TLK1: variants seen among roughly 807,000 people sequenced by gnomAD.
TLK1 encodes serine/threonine-protein kinase tousled-like 1.
TLK1 carries 24 observed loss-of-function variants against 105.3 expected under a neutral mutation model. The observed-to-expected ratio is 0.23, with a 90% CI of 0.17 to 0.32. The LOEUF (loss-of-function observed/expected upper bound fraction) is 0.32. Among genes scored for constraint, TLK1 ranks in the 10% least tolerant of loss-of-function variants. The pLI is 1.00. For missense variants in TLK1, 558 were observed against 910.5 expected (o/e 0.61, Z 4.98); for synonymous variants, 321 against 310.4 (o/e 1.03, Z -0.36).
At chr2:171,184,359 A>C (rs1015967302) in intron 1 of TLK1, among the ~76,000 whole-genome samples, 1 of 152,242 alleles carries the variant, frequency 6.6e-6, no homozygotes, top group African/African-American at 2.4e-5. Flanking sequence ...TTAGAAAACT[A>C]GTGCCAGGCG....
chr2:171,193,015 G>C (rs1388999783), intron 1 of TLK1, among the ~76,000 whole-genome samples: 1 of 152,216 alleles, frequency 6.6e-6, no homozygotes, highest in Non-Finnish European at 1.5e-5. Context: ...TCTATTAAAT[G>C]ATTATGGTGT....
chr2:171,100,505 G>A (rs1689642127), intron 2 of TLK1, among the ~76,000 whole-genome samples: 1 of 152,096 alleles, frequency 6.6e-6, no homozygotes, highest in Non-Finnish European at 1.5e-5. Context: ...TGTAACATGA[G>A]GGAAATGTAA....
intron 1 of TLK1, among the ~76,000 whole-genome samples, chr2:171,196,096 G>A: frequency 6.8e-6 from 1 of 148,104 alleles, no homozygotes. Flanking sequence ...AGGAAGGAAG[G>A]AAGGAAGGGA....
rs965102514 is a variant in TLK1 at position 171,029,606 on chromosome 2, G to A, written c.1170-1201C>T. Among the ~76,000 whole-genome samples the A allele has an allele frequency of 3.9e-5, 6 of 152,312 alleles. No homozygotes were observed. In the East Asian group the frequency reaches 9.6e-4, roughly 24 times the overall value. On this transcript the variant is annotated intron_variant, in intron 11 of 20. Coordinates refer to ENST00000431350, the MANE Select transcript of TLK1 (RefSeq NM_012290.5). ...AGTGTTCCAAGTAGCTGGGAGTACA[G>A]GTGTACGCCACCATGCCTAGCTACT...
intron 13 of TLK1, among the ~76,000 whole-genome samples, chr2:171,011,819 T>G (rs114057172): frequency 3.4e-3 from 524 of 152,352 alleles, no homozygotes; most frequent in Admixed American, 5.7e-3. Flanking sequence ...GGAGTTATAA[T>G]CAAGCTTTTA....
At position 170,996,763 on chromosome 2, in the gene TLK1, TAA is replaced by T; in HGVS notation, c.2017-5_2017-4del. ...TGAGATTGATTGTGACCAAATGGCT[TAA>T]AAAAAAAATTAAATGTTGAGATACT... On this transcript the variant is annotated splice_region_variant and splice_polypyrimidine_tract_variant and intron_variant, in intron 19 of 20. Transcript: ENST00000431350. 1.3e-6 allele frequency: 2 copies of T among 1,522,668 alleles called. No homozygotes were observed. The highest frequency in any genetic ancestry group is 1.9e-5 in the Admixed American group (1 of 52,042). The allele number at this position is 1,522,668 out of a possible 1,614,324, so 94.3% of individuals were successfully genotyped here.
intron 2 of TLK1, chr2:171,091,571 T>G (rs1006579601): frequency 7.9e-5 from 12 of 152,150 alleles, no homozygotes; most frequent in Admixed American, 2.6e-4. Context: ...ACTAGAGAAA[T>G]TCTAAGGAGG....
chr2:171,066,324 G>T (rs1003678362), intron 3 of TLK1, among the ~76,000 whole-genome samples: 4 of 152,158 alleles, frequency 2.6e-5, no homozygotes, highest in African/African-American at 9.7e-5. Flanking sequence ...GCAATTTGGA[G>T]TGTAGTATAT....
At chr2:171,189,934 C>CAAAAG (rs746247728) in intron 1 of TLK1, among the ~76,000 whole-genome samples, 6 of 149,224 alleles carry the variant, frequency 4.0e-5, no homozygotes, top group African/African-American at 1.3e-4. Flanking sequence ...GACCCTGTCT[C>CAAAAG]AAAAGAAAAG....
Position 171,056,509 on chromosome 2 carries a change from G to C in TLK1, c.511C>G (p.Pro171Ala). The C allele has an allele frequency of 1.2e-6, 2 of 1,612,152 alleles. No homozygotes were observed. The highest frequency in any genetic ancestry group is 1.7e-6 in the Non-Finnish European group (2 of 1,179,096). The change falls in exon 6 of 21, where the codon CCT (proline) becomes GCT (alanine). Residue 171 changes from proline (P) to alanine (A), a missense_variant. Coordinates refer to ENST00000431350, the MANE Select transcript of TLK1 (RefSeq NM_012290.5). ...VRGIPPAIRSPQNSHSHSTPS... is the reference protein window; with the variant it reads ...VRGIPPAIRSAQNSHSHSTPS... ...GTGGAATGTGAATGTGAATTTTGAGGAGAACGGATTGCAGGAGGTATGCCT... is the reference window on the plus strand; with the variant it reads ...GTGGAATGTGAATGTGAATTTTGAGCAGAACGGATTGCAGGAGGTATGCCT...
At chr2:171,158,513 T>C (rs574079721) in intron 1 of TLK1, among the ~76,000 whole-genome samples, 4 of 152,144 alleles carry the variant, frequency 2.6e-5, no homozygotes, top group Non-Finnish European at 5.9e-5. Context: ...ATAACAGATA[T>C]CAAGAGATAA....
chr2:171,227,897 C>T (rs1338198403), intron 1 of TLK1, among the ~76,000 whole-genome samples: 1 of 152,078 alleles, frequency 6.6e-6, no homozygotes, highest in Non-Finnish European at 1.5e-5. Flanking sequence ...CACTGAAGGC[C>T]AGACGCGGTG....
chr2:171,126,703 T>A (rs1025626897), intron 1 of TLK1, among the ~76,000 whole-genome samples: 3 of 152,068 alleles, frequency 2.0e-5, no homozygotes, highest in Non-Finnish European at 4.4e-5. Flanking sequence ...GACCTTAGTT[T>A]TAAATTTAAA....
chr2:171,145,246 T>C (rs1691744373), intron 1 of TLK1, among the ~76,000 whole-genome samples: 1 of 151,862 alleles, frequency 6.6e-6, no homozygotes, highest in African/African-American at 2.4e-5. Flanking sequence ...AGGCAGAGGT[T>C]GCAGTGAGCC....
upstream of TLK1, among the ~76,000 whole-genome samples, chr2:171,163,877 CA>C (rs1692559611): frequency 2.0e-5 from 3 of 152,096 alleles, no homozygotes; most frequent in Non-Finnish European, 4.4e-5. Context: ...AGATGCCTAT[CA>C]CAATGCCCGG....
chr2:171,005,639 G>A (rs1386970348), intron 18 of TLK1, among the ~76,000 whole-genome samples: 2 of 152,122 alleles, frequency 1.3e-5, no homozygotes, highest in Non-Finnish European at 2.9e-5. Flanking sequence ...AAGAGTAAGT[G>A]GGCAGATCGC....
intron 1 of TLK1, among the ~76,000 whole-genome samples, chr2:171,179,434 C>T (rs1166532438): frequency 6.6e-6 from 1 of 152,122 alleles, no homozygotes; most frequent in African/African-American, 2.4e-5. Context: ...CCAATGCCCC[C>T]TATTTGTCCT....
intron 1 of TLK1, among the ~76,000 whole-genome samples, chr2:171,203,687 C>T (rs1032479673): frequency 6.6e-6 from 1 of 152,006 alleles, no homozygotes; most frequent in African/African-American, 2.4e-5. Context: ...CAGAATATAT[C>T]AGAGGAAATT....
intron 1 of TLK1, among the ~76,000 whole-genome samples, chr2:171,138,899 AT>A (rs890419456): frequency 6.6e-6 from 1 of 152,150 alleles, no homozygotes; most frequent in East Asian, 1.9e-4. Context: ...AGACATTCAT[AT>A]TTTTTTACTA....
Sources: allele counts gnomAD v4.1 joint callset (sites outside exome capture counted in the v4.1 genomes callset), GRCh38; gene constraint gnomAD v4.1.1; transcripts MANE v1.5; gene names NCBI Gene and HGNC (gene_info 2026-07-23, HGNC 2026-07-21).